Variants in OR6C74 observed in about 807,000 individuals in gnomAD.
The protein encoded by OR6C74 is olfactory receptor 6C74.
For missense variants in OR6C74, 361 were observed against 362.9 expected (o/e 0.99, Z 0.04); for synonymous variants, 142 against 134.2 (o/e 1.06, Z -0.40).
chr12:55,247,418 T>G lies in OR6C74; in HGVS notation c.131T>G (p.Ile44Ser). 6.2e-7 allele frequency: 1 copy of G among 1,613,574 alleles called. No individual in the cohort carries two copies. Among genetic ancestry groups the G allele is most frequent in the African/African-American group, 1.3e-5 (1 of 75,010 alleles). ...AGCATCACTGGGAATCTAACCATCA[T>G]CACTCTCACCCTACTGGATTTGCAT... ...MLSITGNLTI[I>S]TLTLLDLHLK... is the part of the protein sequence containing the mutation. The change falls in exon 2 of 2, where the codon ATC becomes AGC. Residue 44 changes from isoleucine to serine, a missense_variant. Physicochemically the swap from Ile to Ser is moderately radical, Grantham distance 142. Transcript: ENST00000343399.
At chr12:55,245,532 C>T (rs1175046898) in intron 1 of OR6C74, among the ~76,000 whole-genome samples, 9 of 152,062 alleles carry the variant, frequency 5.9e-5, no homozygotes, top group Admixed American at 5.2e-4. Flanking sequence ...CTTGCCAAAA[C>T]AGCTGCAGTT....
rs1205676748 is a variant in OR6C74, at chr12:55,247,304, C to T, written c.17C>T (p.Thr6Ile). The change falls in exon 2 of 2, where the codon ACA (threonine) becomes ATA (isoleucine). Residue 6 changes from threonine (T) to isoleucine (I), a missense_variant. Physicochemically the swap from Thr to Ile is moderately conservative, Grantham distance 89 (BLOSUM62 -1). Transcript: ENST00000343399. ...AAATCAACTATGAGAAACCATACAA[C>T]AGTAGCAAACTTTATTCTTCTTGGA... MRNHT[T>I]VANFILLGLT... is the part of the protein sequence containing the mutation. 6.3e-7 allele frequency: 1 copy of T among 1,594,812 alleles called. No individual in the cohort carries two copies. The highest frequency in any genetic ancestry group is 1.3e-5 in the African/African-American group (1 of 74,156).
rs557343047 is a variant in OR6C74, at chr12:55,255,071, A to G, written c.*6845A>G. Among the ~76,000 whole-genome samples the G allele has an allele frequency of 7.0e-4, 107 of 152,190 alleles. 1 individual carries two copies. Among genetic ancestry groups the G allele is most frequent in the African/African-American group, 2.6e-3 (107 of 41,530 alleles). On this transcript the variant is annotated 3_prime_UTR_variant, in exon 2 of 2. Transcript: ENST00000343399. Reference sequence around the variant, plus strand: ...AAAGATCGAAATAATACCTCCCTCCAGGGCAGAAGGGAGATTTGCTTCCTG... The same window carrying G: ...AAAGATCGAAATAATACCTCCCTCCGGGGCAGAAGGGAGATTTGCTTCCTG...
In OR6C74 at chr12:55,251,019, A is replaced by G. The variant is rs746022929; in HGVS notation, c.*2793A>G. On this transcript the variant is annotated 3_prime_UTR_variant, in exon 2 of 2. Coordinates refer to ENST00000343399, the MANE Select transcript of OR6C74 (RefSeq NM_001005490.2). Reference sequence around the variant, plus strand: ...TACAAATCAGTCATGCCACCACTCTACTAATACATTATTGATGGTTCTCCG... The same window carrying G: ...TACAAATCAGTCATGCCACCACTCTGCTAATACATTATTGATGGTTCTCCG... Among the ~76,000 whole-genome samples, 2 of 152,082 alleles carry G rather than the reference A, an allele frequency of 1.3e-5. No homozygotes were observed. Among genetic ancestry groups the G allele is most frequent in the Admixed American group, 6.6e-5 (1 of 15,252 alleles).
rs986391255 is a variant in OR6C74, at chr12:55,251,932, T to A, written c.*3706T>A. 2.6e-5 allele frequency among the ~76,000 whole-genome samples: 4 copies of A among 151,748 alleles called. No individual in the cohort carries two copies. Among genetic ancestry groups the A allele is most frequent in the African/African-American group, 9.7e-5 (4 of 41,420 alleles). On this transcript the variant is annotated 3_prime_UTR_variant, in exon 2 of 2. Transcript: ENST00000343399. Reference sequence around the variant, plus strand: ...TTCAAATATTAAGATTACTGTGTTCTCAAAAATTATGGACTTGCTTTTCTT... The same window carrying A: ...TTCAAATATTAAGATTACTGTGTTCACAAAAATTATGGACTTGCTTTTCTT...
rs771404360 is a variant in OR6C74, at chr12:55,247,562, A to G, written c.275A>G (p.Tyr92Cys). 6.2e-6 allele frequency: 10 copies of G among 1,611,580 alleles called. 1 individual carries two copies. The highest frequency in any genetic ancestry group is 2.2e-5 in the East Asian group (1 of 44,868). ...GCAACAGGTGATAAGACCATTTCTTACAACGATTGTGCAGCACAGCTGTTT... is the reference window on the plus strand; with the variant it reads ...GCAACAGGTGATAAGACCATTTCTTGCAACGATTGTGCAGCACAGCTGTTT... ...SMATGDKTISYNDCAAQLFFT... is the reference protein window; with the variant it reads ...SMATGDKTISCNDCAAQLFFT... The change falls in exon 2 of 2, where the codon TAC (tyrosine) becomes TGC (cysteine). Residue 92 changes from tyrosine (Y) to cysteine (C), a missense_variant. Coordinates refer to ENST00000343399, the MANE Select transcript of OR6C74 (RefSeq NM_001005490.2).
Position 55,247,277 on chromosome 12 carries a change from AG to A in OR6C74, c.-9-1del. The A allele has an allele frequency of 6.7e-7, 1 of 1,483,516 alleles. No individual in the cohort carries two copies. Among genetic ancestry groups the A allele is most frequent in the Non-Finnish European group, 9.2e-7 (1 of 1,088,562 alleles). The allele number at this position is 1,483,516 out of a possible 1,614,324, so 91.9% of individuals were successfully genotyped here. A position where few individuals can be genotyped will look rare whatever the true frequency, so the allele number is the denominator to read the frequency against. On this transcript the variant is annotated splice_acceptor_variant, in intron 1 of 1. Transcript: ENST00000343399. LOFTEE classifies it low-confidence loss of function (5UTR_SPLICE). ...AATTTTTCTTCTTATTTTTAAAAAT[AG>A]AAATCAACTATGAGAAACCATACAA...
rs12305983 is a variant in OR6C74 at position 55,252,319 on chromosome 12, T to C, written c.*4093T>C. ...CCTTGTACTTAGTTATGTGGGTTGT[T>C]GTAGTGCAAAGTTAATGCTTCACAA... On this transcript the variant is annotated 3_prime_UTR_variant, in exon 2 of 2. Transcript: ENST00000343399. 0.12 allele frequency among the ~76,000 whole-genome samples: 17,826 copies of C among 151,776 alleles called. 2,278 individuals are homozygous for C. The highest frequency in any genetic ancestry group is 0.32 in the African/African-American group (13,386 of 41,418).
rs1324599550 is a variant in OR6C74, at chr12:55,247,648, T to C, written c.361T>C (p.Tyr121His). 1 of 1,613,998 alleles carries C rather than the reference T, an allele frequency of 6.2e-7. No homozygotes were observed. Among genetic ancestry groups the C allele is most frequent in the African/African-American group, 1.3e-5 (1 of 75,038 alleles). The change falls in exon 2 of 2, where the codon TAT (tyrosine) becomes CAT (histidine). Residue 121 changes from tyrosine to histidine, a missense_variant. Coordinates refer to ENST00000343399, the MANE Select transcript of OR6C74 (RefSeq NM_001005490.2). ...FLLAAMSYER[Y>H]VAICKPLHYT... is the part of the protein sequence containing the mutation. The stretch of plus-strand genomic sequence containing the variant: ...TCTGGCTGCCATGTCCTATGAGCGC[T>C]ATGTGGCCATCTGCAAACCCCTGCA...
chr12:55,247,256 TTTC>T lies in OR6C74; in HGVS notation c.-9-17_-9-15del, dbSNP rs1173570649. The stretch of plus-strand genomic sequence containing the variant: ...AGACCTTTCCTCTTCTGTTCTAATT[TTTC>T]TTCTTATTTTTAAAAATAGAAATCA... On this transcript the variant is annotated intron_variant, in intron 1 of 1. Transcript: ENST00000343399. 1 of 1,362,572 alleles carries T rather than the reference TTTC, an allele frequency of 7.3e-7. No homozygotes were observed. Among genetic ancestry groups the T allele is most frequent in the Non-Finnish European group, 1.0e-6 (1 of 986,566 alleles). The allele number at this position is 1,362,572 out of a possible 1,614,324, so 84.4% of individuals were successfully genotyped here.
Position 55,251,047 on chromosome 12 carries a change from G to A in OR6C74, c.*2821G>A, listed in dbSNP as rs1455980550. Reference sequence around the variant, plus strand: ...AATACATTATTGATGGTTCTCCGTTGCCTGCAAAATAATGACAAAATTCCC... The same window carrying A: ...AATACATTATTGATGGTTCTCCGTTACCTGCAAAATAATGACAAAATTCCC... On this transcript the variant is annotated 3_prime_UTR_variant, in exon 2 of 2. Coordinates refer to ENST00000343399, the MANE Select transcript of OR6C74 (RefSeq NM_001005490.2). Among the ~76,000 whole-genome samples the A allele has an allele frequency of 1.3e-5, 2 of 151,990 alleles. No individual in the cohort carries two copies. The highest frequency in any genetic ancestry group is 2.9e-5 in the Non-Finnish European group (2 of 67,966).
In OR6C74 at chr12:55,252,506, A is replaced by G. The variant is rs1954317913; in HGVS notation, c.*4280A>G. ...TAAAAGCACACAAATGTTTTAAAAT[A>G]TTAAAATGATTATGTTTTCAAGTTT... On this transcript the variant is annotated 3_prime_UTR_variant, in exon 2 of 2. Coordinates refer to ENST00000343399, the MANE Select transcript of OR6C74 (RefSeq NM_001005490.2). Among the ~76,000 whole-genome samples the G allele has an allele frequency of 6.6e-6, 1 of 151,940 alleles. No individual in the cohort carries two copies. The highest frequency in any genetic ancestry group is 2.4e-5 in the African/African-American group (1 of 41,410).
In OR6C74 at chr12:55,249,461, T is replaced by C. The variant is rs116044961; in HGVS notation, c.*1235T>C. Among the ~76,000 whole-genome samples, 1,511 of 151,082 alleles carry C rather than the reference T, an allele frequency of 0.01. 29 individuals carry two copies. Among genetic ancestry groups the C allele is most frequent in the East Asian group, 0.038 (191 of 4,964 alleles). Reference sequence around the variant, plus strand: ...AATTATTATATACATTTTATCTTAATGTATTTCCAAGTGTATATAACTTTG... The same window carrying C: ...AATTATTATATACATTTTATCTTAACGTATTTCCAAGTGTATATAACTTTG... On this transcript the variant is annotated 3_prime_UTR_variant, in exon 2 of 2. Transcript: ENST00000343399.
rs1954329426 is a variant in OR6C74 at position 55,254,332 on chromosome 12, T to C, written c.*6106T>C. 6.6e-6 allele frequency among the ~76,000 whole-genome samples: 1 copy of C among 152,102 alleles called. No homozygotes were observed. The highest frequency in any genetic ancestry group is 2.4e-5 in the African/African-American group (1 of 41,434). On this transcript the variant is annotated 3_prime_UTR_variant, in exon 2 of 2. Transcript: ENST00000343399. ...AATTGCATACAATAAAGCTGTTCCATATTGCAATTCCTCTAAGTTTTAGAT... is the reference window on the plus strand; with the variant it reads ...AATTGCATACAATAAAGCTGTTCCACATTGCAATTCCTCTAAGTTTTAGAT...
chr12:55,247,822 G>A lies in OR6C74; in HGVS notation c.535G>A (p.Val179Ile). The A allele has an allele frequency of 6.2e-7, 1 of 1,613,912 alleles. No individual in the cohort carries two copies. The highest frequency in any genetic ancestry group is 8.5e-7 in the Non-Finnish European group (1 of 1,179,982). Reference sequence around the variant, plus strand: ...CACTGTAGATCATTTCTTCTGTGATGTTTCTCCTATACTGCAGCTCTCTTG... The same window carrying A: ...CACTGTAGATCATTTCTTCTGTGATATTTCTCCTATACTGCAGCTCTCTTG... ...ANTVDHFFCD[V>I]SPILQLSCTD... The change falls in exon 2 of 2, where the codon GTT (valine) becomes ATT (isoleucine). Residue 179 changes from valine to isoleucine, a missense_variant. By Grantham distance (29) the Val-to-Ile change is conservative. Coordinates refer to ENST00000343399, the MANE Select transcript of OR6C74 (RefSeq NM_001005490.2).
In OR6C74 at chr12:55,253,849, A is replaced by C. The variant is rs1954326247; in HGVS notation, c.*5623A>C. On this transcript the variant is annotated 3_prime_UTR_variant, in exon 2 of 2. Coordinates refer to ENST00000343399, the MANE Select transcript of OR6C74 (RefSeq NM_001005490.2). ...GGTTCTGGTTCTATGAAAGGATTGA[A>C]GTCTGTAATTGAATAAGGAGCTTTA... 6.6e-6 allele frequency among the ~76,000 whole-genome samples: 1 copy of C among 152,088 alleles called. No homozygotes were observed. Among genetic ancestry groups the C allele is most frequent in the African/African-American group, 2.4e-5 (1 of 41,432 alleles).
In OR6C74 at chr12:55,248,003, G is replaced by A. The variant is rs536027430; in HGVS notation, c.716G>A (p.Cys239Tyr). 41 of 1,614,000 alleles carry A rather than the reference G, an allele frequency of 2.5e-5. No individual in the cohort carries two copies. In the South Asian group the frequency reaches 3.8e-4, roughly 15 times the overall value. The change falls in exon 2 of 2, where the codon TGT (cysteine) becomes TAT (tyrosine). Residue 239 changes from cysteine to tyrosine, a missense_variant. By Grantham distance (194) the Cys-to-Tyr change is radical. Coordinates refer to ENST00000343399, the MANE Select transcript of OR6C74 (RefSeq NM_001005490.2). Reference protein sequence around the residue: ...SQQRKKAFSTCSSHMVVVSIS... With the variant: ...SQQRKKAFSTYSSHMVVVSIS... ...CAGAGAAAAAAAGCATTTTCTACAT[G>A]TTCTTCCCACATGGTGGTCGTGTCC...
At position 55,247,714 on chromosome 12, in the gene OR6C74, G is replaced by A; in HGVS notation, c.427G>A (p.Val143Ile). The A allele has an allele frequency of 4.3e-6, 7 of 1,613,938 alleles. No individual in the cohort carries two copies. The highest frequency in any genetic ancestry group is 5.9e-6 in the Non-Finnish European group (7 of 1,179,996). The change falls in exon 2 of 2, where the codon GTC becomes ATC. Residue 143 changes from valine to isoleucine, a missense_variant. Val to Ile is a conservative substitution (Grantham distance 29, BLOSUM62 3). Transcript: ENST00000343399. The stretch of plus-strand genomic sequence containing the variant: ...GAGCAGCAGAGTTTGCAGCTTGCTG[G>A]TCTTTGCTTCATGGATGGCTGGCTT... ...IMSSRVCSLLVFASWMAGFLI... is the reference protein window; with the variant it reads ...IMSSRVCSLLIFASWMAGFLI...
In OR6C74 at chr12:55,247,368, T is replaced by C. The variant is rs1414697996; in HGVS notation, c.81T>C (p.Leu27=). 1.2e-6 allele frequency: 2 copies of C among 1,612,488 alleles called. No homozygotes were observed. Residue 27 remains leucine, a synonymous_variant, in exon 2 of 2, where the codon CTT becomes CTC. Coordinates refer to ENST00000343399, the MANE Select transcript of OR6C74 (RefSeq NM_001005490.2). The stretch of plus-strand genomic sequence containing the variant: ...CACAATTACAGGTGATTATTTTTCT[T>C]CTCCTTTTTTTCACCTACATGTTGA... ...DDPQLQVIIF[L]LLFFTYMLSI...
Sources: gnomAD v4.1 joint callset for allele counts (sites outside exome capture counted in the v4.1 genomes callset) on GRCh38, gnomAD v4.1.1 for gene constraint, MANE v1.5 for transcripts, NCBI Gene and HGNC (gene_info 2026-07-23, HGNC 2026-07-21) for gene names.